The following COG6 variants were observed in gnomAD, a reference collection of about 807,000 sequenced individuals.
COG6 encodes the protein conserved oligomeric Golgi complex subunit 6.
COG6 carries 74 observed loss-of-function variants against 88.8 expected under a neutral mutation model. The observed-to-expected ratio is 0.83, with a 90% CI of 0.69 to 1.01. The LOEUF (loss-of-function observed/expected upper bound fraction) is 1.01. Among genes scored for constraint, COG6 ranks in the 50% least tolerant of loss-of-function variants. The probability of loss-of-function intolerance (pLI) is 0.00; values close to 1 mark genes in which losing one functional copy is unlikely to be tolerated. For missense variants in COG6, 800 were observed against 797.9 expected (o/e 1.00, Z -0.03); for synonymous variants, 286 against 278.7 (o/e 1.03, Z -0.26).
At chr13:39,722,194 T>C (rs79184951) in intron 15 of COG6, among the ~76,000 whole-genome samples, 10,094 of 152,120 alleles carry the variant, frequency 0.066, 394 homozygotes, top group Non-Finnish European at 0.094. Context: ...TTTGATGCTT[T>C]GCAGTAACTC....
intron 12 of COG6, among the ~76,000 whole-genome samples, chr13:39,695,265 T>C (rs903331862): frequency 5.9e-5 from 9 of 151,800 alleles, no homozygotes; most frequent in African/African-American, 2.2e-4. Context: ...CTTCTCTACA[T>C]AACAGCAACT....
At chr13:39,661,115 A>T (rs1874870616) in intron 3 of COG6, among the ~76,000 whole-genome samples, 3 of 152,198 alleles carry the variant, frequency 2.0e-5, no homozygotes, top group Non-Finnish European at 4.4e-5. Flanking sequence ...TACAGAGCTA[A>T]CTACGTAGAA....
At chr13:39,737,789 C>T (rs116755833) in intron 18 of COG6, among the ~76,000 whole-genome samples, 2,328 of 152,096 alleles carry the variant, frequency 0.015, 68 homozygotes, top group African/African-American at 0.053. Flanking sequence ...TCCCAGAGCA[C>T]CTTATCCCAT....
At chr13:39,705,022 TTCCA>T (rs1443415495) in intron 13 of COG6, among the ~76,000 whole-genome samples, 1 of 152,186 alleles carries the variant, frequency 6.6e-6, no homozygotes, top group Non-Finnish European at 1.5e-5. Context: ...AATTTTAATG[TTCCA>T]TAATTTTATA....
chr13:39,709,981 A>ATTAT (rs941455990), intron 13 of COG6, among the ~76,000 whole-genome samples: 61 of 152,228 alleles, frequency 4.0e-4, no homozygotes, highest in African/African-American at 1.4e-3. Flanking sequence ...TTTATTTTAG[A>ATTAT]TTATTTATTT....
At chr13:39,678,493 CT>C (rs1310688800) in intron 5 of COG6, among the ~76,000 whole-genome samples, 4 of 152,134 alleles carry the variant, frequency 2.6e-5, no homozygotes, top group Admixed American at 2.6e-4. Flanking sequence ...ATTTTTTAAG[CT>C]ATTCCATTTT....
intron 4 of COG6, among the ~76,000 whole-genome samples, chr13:39,667,301 C>A (rs914867227): frequency 1.3e-5 from 2 of 151,982 alleles, no homozygotes; most frequent in East Asian, 3.9e-4. Flanking sequence ...GCATTTAATC[C>A]CCTTTTTGTT....
intron 18 of COG6, among the ~76,000 whole-genome samples, chr13:39,748,743 G>A (rs958235499): frequency 2.7e-4 from 41 of 152,184 alleles, no homozygotes; most frequent in African/African-American, 9.9e-4. Context: ...ACTCTGCTCA[G>A]AAAATTTACT....
At chr13:39,657,431 G>C (rs549614141) in intron 1 of COG6, among the ~76,000 whole-genome samples, 29 of 152,242 alleles carry the variant, frequency 1.9e-4, no homozygotes, top group African/African-American at 7.0e-4. Flanking sequence ...TTGCATCTGA[G>C]TCTGTGATTT....
intron 18 of COG6, among the ~76,000 whole-genome samples, chr13:39,782,830 C>T (rs559575509): frequency 9.7e-4 from 148 of 152,298 alleles, no homozygotes; most frequent in South Asian, 5.0e-3. Flanking sequence ...AAGATGCCTT[C>T]TTCCCATGGG....
intron 10 of COG6, 78 bp from the exon 11 acceptor site, chr13:39,689,682 A>T (rs1593427597): frequency 1.2e-6 from 1 of 862,616 alleles, no homozygotes; most frequent in East Asian, 2.7e-5. Context: ...ATTATATATT[A>T]TTTGTTAGTT....
At chr13:39,669,050 T>C (rs1875460376) in intron 4 of COG6, among the ~76,000 whole-genome samples, 1 of 152,222 alleles carries the variant, frequency 6.6e-6, no homozygotes, top group Admixed American at 6.5e-5. Flanking sequence ...CCACAAATAG[T>C]GTCCTGTTGG....
chr13:39,752,421 A>T lies in COG6; in HGVS notation c.*1328A>T, dbSNP rs960280440. ...TATAATCGTTATCCATTTGGGTATA[A>T]ATCTGTATTTTTAGTTTTTTCCCTT... On this transcript the variant is annotated 3_prime_UTR_variant, in exon 19 of 19. Transcript: ENST00000455146. 4 of 1,037,076 alleles carry T rather than the reference A, an allele frequency of 3.9e-6. No homozygotes were observed. The African/African-American group carries it at 6.7e-5, about 17-fold the overall frequency. The allele number at this position is 1,037,076 out of a possible 1,614,324, so 64.2% of individuals were successfully genotyped here.
intron 10 of COG6, 77 bp downstream of exon 10, chr13:39,687,876 A>G (rs768814981): frequency 1.5e-4 from 154 of 1,021,396 alleles, no homozygotes; most frequent in Non-Finnish European, 2.1e-4. Context: ...TCTTGTTGCC[A>G]TCTTCTTCAC....
At chr13:39,791,367 G>T (rs969182965) in exon 19 of COG6, 1 of 151,992 alleles carries the variant, frequency 6.6e-6, no homozygotes, top group Non-Finnish European at 1.5e-5. Flanking sequence ...TAGTATTTTA[G>T]TAACAGATTT....
chr13:39,687,642 C>G lies in COG6; in HGVS notation c.917+11C>G. 6.2e-7 allele frequency: 1 copy of G among 1,613,852 alleles called. No homozygotes were observed. ...TCATGACCCTTTGAGGTATAGTAAT[C>G]AGACAGCAGAAGAGGAGTTGATGTT... On this transcript the variant is annotated intron_variant, in intron 9 of 18. Transcript: ENST00000455146.
At position 39,719,550 on chromosome 13, in the gene COG6, G is replaced by T. The variant is rs191395272; in HGVS notation, c.1417-110G>T. 7 of 1,212,622 alleles carry T rather than the reference G, an allele frequency of 5.8e-6. No individual in the cohort carries two copies. In the South Asian group the frequency reaches 8.8e-5, roughly 15 times the overall value. The allele number at this position is 1,212,622 out of a possible 1,614,324, so 75.1% of individuals were successfully genotyped here. ...TGATTTATGTTTAATCTTTTCCTAC[G>T]TGCTTCTATAAATTGGCTTCCTTCC... On this transcript the variant is annotated intron_variant, in intron 14 of 18. Coordinates refer to ENST00000455146, the MANE Select transcript of COG6 (RefSeq NM_020751.3).
At chr13:39,711,699 T>G (rs969572189) in intron 13 of COG6, among the ~76,000 whole-genome samples, 2 of 152,142 alleles carry the variant, frequency 1.3e-5, no homozygotes, top group African/African-American at 2.4e-5. Flanking sequence ...CATGGTACAG[T>G]TTTTAGATTA....
At chr13:39,694,834 T>G in intron 12 of COG6, 109 bp downstream of exon 12, 1 of 621,224 alleles carries the variant, frequency 1.6e-6, no homozygotes, top group Non-Finnish European at 2.9e-6. Flanking sequence ...ATACACTAAG[T>G]ATAGACTAAG....
Sources: gnomAD v4.1 joint callset for allele counts (sites outside exome capture counted in the v4.1 genomes callset) on GRCh38, gnomAD v4.1.1 for gene constraint, MANE v1.5 for transcripts, NCBI Gene and HGNC (gene_info 2026-07-23, HGNC 2026-07-21) for gene names.